Variants in ALOX5AP observed in about 807,000 individuals in gnomAD.
The protein encoded by ALOX5AP is arachidonate 5-lipoxygenase-activating protein.
ALOX5AP carries 9 observed loss-of-function variants against 18.5 expected under a neutral mutation model. That is an observed-to-expected ratio of 0.49 (90% confidence interval 0.29 to 0.85). The LOEUF is 0.85. ALOX5AP is among the 40% of genes least tolerant of loss of function. The pLI is 0.08. For missense variants in ALOX5AP, 172 were observed against 202.5 expected (o/e 0.85, Z 0.91); for synonymous variants, 81 against 78.6 (o/e 1.03, Z -0.16).
At chr13:30,762,883 A>G (rs1202404677) in intron 4 of ALOX5AP, among the ~76,000 whole-genome samples, 1 of 152,138 alleles carries the variant, frequency 6.6e-6, no homozygotes, top group Non-Finnish European at 1.5e-5. Context: ...CCAGCCATGG[A>G]GGCAGTCAGA....
chr13:30,761,691 C>T (rs572696291), intron 4 of ALOX5AP, among the ~76,000 whole-genome samples: 3 of 152,268 alleles, frequency 2.0e-5, no homozygotes, highest in East Asian at 1.9e-4. Context: ...TGGGCAGGGT[C>T]GGTTTCTCCT....
At chr13:30,720,656 A>C (rs1951586673) in intron 1 of ALOX5AP, among the ~76,000 whole-genome samples, 1 of 152,258 alleles carries the variant, frequency 6.6e-6, no homozygotes. Context: ...GTTTATTCAA[A>C]AGGAAAACAG....
chr13:30,722,391 C>T (rs192197104), intron 1 of ALOX5AP, among the ~76,000 whole-genome samples: 264 of 152,320 alleles, frequency 1.7e-3, no homozygotes, highest in Non-Finnish European at 3.0e-3. Context: ...CAAATGAGAG[C>T]TTACGTGTTT....
intron 1 of ALOX5AP, among the ~76,000 whole-genome samples, chr13:30,729,892 TACACAAC>T: frequency 6.6e-6 from 1 of 152,342 alleles, no homozygotes; most frequent in Non-Finnish European, 1.5e-5. Flanking sequence ...TTTGTTTTCT[TACACAAC>T]ACACTACGTG....
At chr13:30,733,301 T>C (rs1294051001), upstream of ALOX5AP, among the ~76,000 whole-genome samples, 1 of 152,250 alleles carries the variant, frequency 6.6e-6, no homozygotes, top group Non-Finnish European at 1.5e-5. Context: ...TTCTCCTTTT[T>C]GCTTAAACTA....
chr13:30,734,470 A>C (rs1951705307), upstream of ALOX5AP, among the ~76,000 whole-genome samples: 1 of 152,224 alleles, frequency 6.6e-6, no homozygotes, highest in African/African-American at 2.4e-5. Context: ...ACCAATGCCA[A>C]ATAGCTAAGT....
In ALOX5AP at chr13:30,762,547, C is replaced by T. The variant is rs545551732; in HGVS notation, c.324-1397C>T. Among the ~76,000 whole-genome samples, 3 of 151,554 alleles carry T rather than the reference C, an allele frequency of 2.0e-5. No homozygotes were observed. In the East Asian group the frequency reaches 5.8e-4, roughly 29 times the overall value. On this transcript the variant is annotated intron_variant, in intron 4 of 4. Coordinates refer to ENST00000380490, the MANE Select transcript of ALOX5AP (RefSeq NM_001629.4). Reference sequence around the variant, plus strand: ...GAGGTTGCAGTGATCTGAGATCGTGCCACTGCACTCCAGCTGGGCAATAGA... The same window carrying T: ...GAGGTTGCAGTGATCTGAGATCGTGTCACTGCACTCCAGCTGGGCAATAGA...
chr13:30,750,827 A>G (rs567847545), intron 2 of ALOX5AP, among the ~76,000 whole-genome samples: 1 of 152,352 alleles, frequency 6.6e-6, no homozygotes, highest in South Asian at 2.1e-4. Context: ...AGAAGGAGGC[A>G]TAAGAGTAGA....
At chr13:30,756,806 T>G (rs1262037176) in intron 4 of ALOX5AP, among the ~76,000 whole-genome samples, 1 of 25,090 alleles carries the variant, frequency 4.0e-5, no homozygotes, top group Non-Finnish European at 7.3e-5. Flanking sequence ...AAAGCAAAAC[T>G]CCATCTCAAA....
intron 4 of ALOX5AP, among the ~76,000 whole-genome samples, chr13:30,761,490 C>G (rs1184564738): frequency 6.6e-6 from 1 of 152,230 alleles, no homozygotes; most frequent in Admixed American, 6.5e-5. Context: ...TCTGAACCCT[C>G]TATTCTCTGG....
chr13:30,746,520 AAAGATC>A (rs1340079879), intron 2 of ALOX5AP, among the ~76,000 whole-genome samples: 1 of 151,994 alleles, frequency 6.6e-6, no homozygotes, highest in Non-Finnish European at 1.5e-5. Context: ...AAAAAGGGTC[AAAGATC>A]AATGCAGCAG....
At chr13:30,755,046 C>T (rs532143196) in intron 3 of ALOX5AP, among the ~76,000 whole-genome samples, 33 of 152,384 alleles carry the variant, frequency 2.2e-4, no homozygotes, top group Admixed American at 6.5e-4. Flanking sequence ...GCCTTCAGGA[C>T]TTCATAGAGT....
At chr13:30,731,872 G>A (rs1162275803), upstream of ALOX5AP, among the ~76,000 whole-genome samples, 2 of 152,240 alleles carry the variant, frequency 1.3e-5, no homozygotes, top group African/African-American at 4.8e-5. Context: ...GCGGTCTTCT[G>A]CGGGAATCCG....
intron 2 of ALOX5AP, 124 bp downstream of exon 2, chr13:30,744,283 T>TGAGGAAGGTTGGACTTCACCAGAGAGGC: frequency 1.2e-6 from 1 of 814,694 alleles, no homozygotes; most frequent in East Asian, 2.7e-5. Flanking sequence ...GCCAGGGAGG[T>TGAGGAAGGTTGGACTTCACCAGAGAGGC]GAGGAAGGTT....
At chr13:30,732,882 G>A (rs1951692494), upstream of ALOX5AP, among the ~76,000 whole-genome samples, 2 of 152,056 alleles carry the variant, frequency 1.3e-5, no homozygotes, top group Admixed American at 6.6e-5. Context: ...GGGGCCGGGC[G>A]CGGTGGCTCA....
chr13:30,752,269 G>T, intron 3 of ALOX5AP, 147 bp downstream of exon 3: 2 of 738,916 alleles, frequency 2.7e-6, no homozygotes, highest in Admixed American at 5.1e-5. Context: ...TCGGGAGGCC[G>T]TGTTTCAGGC....
Position 30,752,097 on chromosome 13 carries a change from G to A in ALOX5AP, c.216G>A (p.Trp72Ter). 6.2e-7 allele frequency: 1 copy of A among 1,614,108 alleles called. No individual in the cohort carries two copies. Among genetic ancestry groups the A allele is most frequent in the Admixed American group, 1.7e-5 (1 of 60,016 alleles). The change falls in exon 3 of 5, where the codon TGG becomes TGA. Residue 72 changes from tryptophan to a stop codon, truncating the protein, a stop_gained. Transcript: ENST00000380490. LOFTEE classifies it high-confidence loss of function. Reference protein sequence around the residue: ...DAYPTFLAVLWSAGLLCSQVP... With the variant: ...DAYPTFLAVL ...ACCCCACTTTCCTCGCTGTGCTCTG[G>A]TCTGCGGGGCTACTTTGCAGCCAAG...
chr13:30,721,047 A>G (rs1332933551), intron 1 of ALOX5AP, among the ~76,000 whole-genome samples: 1 of 152,164 alleles, frequency 6.6e-6, no homozygotes, highest in East Asian at 1.9e-4. Context: ...ACATGGGGGA[A>G]ATGGAGCTTG....
intron 2 of ALOX5AP, among the ~76,000 whole-genome samples, chr13:30,749,789 T>C (rs148892189): frequency 6.3e-4 from 96 of 152,266 alleles, no homozygotes; most frequent in African/African-American, 2.1e-3. Context: ...GTTACCTTCA[T>C]AGACTTCTCC....
Sources: allele counts gnomAD v4.1 joint callset (sites outside exome capture counted in the v4.1 genomes callset), GRCh38; gene constraint gnomAD v4.1.1; transcripts MANE v1.5; gene names NCBI Gene and HGNC (gene_info 2026-07-23, HGNC 2026-07-21).